The following VSNL1 variants were observed in gnomAD, a reference collection of about 807,000 sequenced individuals.
The protein encoded by VSNL1 is visinin-like protein 1.
In VSNL1, 6 loss-of-function variants were observed where a neutral mutation model predicts 20.4. The ratio of observed to expected loss-of-function variants is 0.29; its 90% CI spans 0.16 to 0.58. The LOEUF (loss-of-function observed/expected upper bound fraction) is 0.58. Ranked by LOEUF, VSNL1 falls within the 20% of genes least tolerant of loss-of-function variation. VSNL1 has a pLI of 0.90. For synonymous variants in VSNL1, 93 were observed against 86.4 expected (o/e 1.08, Z -0.42); for missense variants, 100 against 234.5 (o/e 0.43, Z 3.75).
At chr2:17,556,538 A>T (rs760772961) in intron 1 of VSNL1, among the ~76,000 whole-genome samples, 57 of 152,212 alleles carry the variant, frequency 3.7e-4, no homozygotes, top group Non-Finnish European at 7.5e-4. Flanking sequence ...TCTATTTCAC[A>T]TAGTCCTTGT....
At position 17,578,829 on chromosome 2, in the gene VSNL1, CA is replaced by C. The variant is rs1313402716; in HGVS notation, c.-5-13240del. Among the ~76,000 whole-genome samples the C allele has an allele frequency of 3.3e-5, 5 of 152,260 alleles. No individual in the cohort carries two copies. The East Asian group carries it at 9.6e-4, about 29-fold the overall frequency. On this transcript the variant is annotated intron_variant, in intron 1 of 3. Transcript: ENST00000295156. ...CAGCAAGGACAGCATAAGCCTAAAT[CA>C]GAGCTGGAAACACATCAAACACAGG... is the stretch of plus-strand genomic sequence containing the variant.
chr2:17,647,683 C>T (rs1666027896), intron 2 of VSNL1, among the ~76,000 whole-genome samples: 1 of 152,164 alleles, frequency 6.6e-6, no homozygotes, highest in Admixed American at 6.5e-5. Context: ...ACAACTCCCT[C>T]CTTGAAACTA....
intron 1 of VSNL1, among the ~76,000 whole-genome samples, chr2:17,564,395 A>T (rs1248381580): frequency 3.9e-5 from 6 of 152,196 alleles, no homozygotes; most frequent in Non-Finnish European, 7.3e-5. Context: ...ATGTACCTTT[A>T]TTACACCATC....
chr2:17,609,867 C>T (rs1472961192), intron 2 of VSNL1, among the ~76,000 whole-genome samples: 1 of 152,204 alleles, frequency 6.6e-6, no homozygotes. Context: ...TGATAGCTTA[C>T]ACAACCCCCC....
intron 2 of VSNL1, among the ~76,000 whole-genome samples, chr2:17,601,186 C>T (rs1664811964): frequency 6.6e-6 from 1 of 152,152 alleles, no homozygotes; most frequent in Non-Finnish European, 1.5e-5. Flanking sequence ...GGAAAGAGCC[C>T]TTTAGAAGTC....
At position 17,646,520 on chromosome 2, in the gene VSNL1, A is replaced by G. The variant is rs184743170; in HGVS notation, c.163-2890A>G. Among the ~76,000 whole-genome samples the G allele has an allele frequency of 3.7e-3, 564 of 152,334 alleles. 4 individuals are homozygous for G. The highest frequency in any genetic ancestry group is 5.9e-3 in the Non-Finnish European group (402 of 68,034). Reference sequence around the variant, plus strand: ...AGGCTTCCACTTCCTCATCCACAAAATGGAAAGTACAATGTCAGATTTTGT... The same window carrying G: ...AGGCTTCCACTTCCTCATCCACAAAGTGGAAAGTACAATGTCAGATTTTGT... On this transcript the variant is annotated intron_variant, in intron 2 of 3. Coordinates refer to ENST00000295156, the MANE Select transcript of VSNL1 (RefSeq NM_003385.5).
intron 2 of VSNL1, among the ~76,000 whole-genome samples, chr2:17,631,357 T>A (rs1031898038): frequency 1.3e-5 from 2 of 152,142 alleles, no homozygotes; most frequent in African/African-American, 4.8e-5. Flanking sequence ...GCAACTTGTA[T>A]ATGATTTTTC....
intron 1 of VSNL1, among the ~76,000 whole-genome samples, chr2:17,571,620 G>A (rs1270730073): frequency 6.6e-6 from 1 of 152,122 alleles, no homozygotes; most frequent in African/African-American, 2.4e-5. Flanking sequence ...CAGCACCAGG[G>A]ACAATTCTAG....
rs143708909 is a variant in VSNL1, at chr2:17,634,280, C to T, written c.163-15130C>T. Among the ~76,000 whole-genome samples, 31 of 152,326 alleles carry T rather than the reference C, an allele frequency of 2.0e-4. No homozygotes were observed. Among genetic ancestry groups the T allele is most frequent in the African/African-American group, 6.7e-4 (28 of 41,578 alleles). ...ACCCCACACTTGGCTTACTGCTCTG[C>T]TGCTGCCATCTTGATTCTTAATAAT... On this transcript the variant is annotated intron_variant, in intron 2 of 3. Transcript: ENST00000295156. The surrounding 1 kb of genome is among the most constrained non-coding windows in gnomAD (Gnocchi z 4.3).
chr2:17,545,189 C>T (rs1663378693), intron 1 of VSNL1, among the ~76,000 whole-genome samples: 1 of 151,914 alleles, frequency 6.6e-6, no homozygotes, highest in Non-Finnish European at 1.5e-5. Context: ...TTAATTATAT[C>T]AAAAATTAAA....
At chr2:17,620,718 G>A (rs192771015) in intron 2 of VSNL1, among the ~76,000 whole-genome samples, 1 of 152,114 alleles carries the variant, frequency 6.6e-6, no homozygotes, top group Non-Finnish European at 1.5e-5. Flanking sequence ...ATCGAGTGAC[G>A]CTACAAATTG....
At chr2:17,559,251 G>C (rs1385248184) in intron 1 of VSNL1, among the ~76,000 whole-genome samples, 1 of 152,078 alleles carries the variant, frequency 6.6e-6, no homozygotes, top group Non-Finnish European at 1.5e-5. Context: ...TATAATCCTT[G>C]CTAAAAATTA....
chr2:17,606,341 T>A (rs1225730777), intron 2 of VSNL1, among the ~76,000 whole-genome samples: 1 of 152,216 alleles, frequency 6.6e-6, no homozygotes, highest in African/African-American at 2.4e-5. Flanking sequence ...TGAGTCCAAG[T>A]CCTGGCTCTG....
At chr2:17,596,015 C>T (rs1367945533) in intron 2 of VSNL1, among the ~76,000 whole-genome samples, 1 of 152,120 alleles carries the variant, frequency 6.6e-6, no homozygotes, top group Non-Finnish European at 1.5e-5. Context: ...CTTGGGTTGT[C>T]AACACATTCT....
chr2:17,621,618 C>T (rs1432085164), intron 2 of VSNL1, among the ~76,000 whole-genome samples: 1 of 152,014 alleles, frequency 6.6e-6, no homozygotes, highest in East Asian at 1.9e-4. Context: ...GCCACCGTGC[C>T]TCTACTCTTT....
chr2:17,558,684 T>C (rs1392760796), intron 1 of VSNL1, among the ~76,000 whole-genome samples: 3 of 152,202 alleles, frequency 2.0e-5, no homozygotes, highest in South Asian at 4.1e-4. Flanking sequence ...AATACACAGC[T>C]ATTATTATTG....
chr2:17,590,667 G>A (rs1418067247), intron 1 of VSNL1, among the ~76,000 whole-genome samples: 4 of 152,170 alleles, frequency 2.6e-5, no homozygotes, highest in African/African-American at 4.8e-5. Context: ...ATTGGCCAAT[G>A]TTGGGGCAGG....
At chr2:17,546,322 CT>C (rs1186145083) in intron 1 of VSNL1, among the ~76,000 whole-genome samples, 1 of 151,880 alleles carries the variant, frequency 6.6e-6, no homozygotes, top group Non-Finnish European at 1.5e-5. Context: ...TTTAAGTATA[CT>C]TTTTCCTCCT....
chr2:17,576,740 A>C (rs1029179036), intron 1 of VSNL1, among the ~76,000 whole-genome samples: 12 of 152,082 alleles, frequency 7.9e-5, no homozygotes, highest in Non-Finnish European at 1.6e-4. Flanking sequence ...TATCAGTCTT[A>C]TCTTTTATAG....
Sources: gnomAD v4.1 joint callset for allele counts (sites outside exome capture counted in the v4.1 genomes callset) on GRCh38, gnomAD v4.1.1 for gene constraint, Gnocchi (gnomAD v3.1) non-coding constraint, MANE v1.5 for transcripts, NCBI Gene and HGNC (gene_info 2026-07-23, HGNC 2026-07-21) for gene names.